Variants in MIGA2 observed in about 807,000 individuals in gnomAD.
MIGA2 encodes family with sequence similarity 73, member B.
Under a neutral mutation model 69.9 loss-of-function variants are expected in MIGA2, and 36 were observed. The ratio of observed to expected loss-of-function variants is 0.52; its 90% confidence interval spans 0.39 to 0.68. MIGA2 has a LOEUF of 0.68. Among genes scored for constraint, MIGA2 ranks in the 30% least tolerant of loss-of-function variants. The pLI is 0.00. For missense variants in MIGA2, 660 were observed against 787.7 expected (o/e 0.84, Z 1.94); for synonymous variants, 333 against 349.2 (o/e 0.95, Z 0.52).
chr9:129,060,632 C>T lies in MIGA2; in HGVS notation c.876C>T (p.Ser292=), dbSNP rs1275080379. 3.8e-6 allele frequency: 6 copies of T among 1,599,358 alleles called. No homozygotes were observed. In the East Asian group the frequency reaches 1.4e-4, roughly 36 times the overall value. Residue 292 remains serine, a synonymous_variant, in exon 8 of 16, where the codon TCC becomes TCT. Coordinates refer to ENST00000684074, the MANE Select transcript of MIGA2 (RefSeq NM_001329990.2). The surrounding 1 kb of genome is among the most constrained non-coding windows in gnomAD (Gnocchi z 4.8). ...DDEDSLTSED[S]FFSATELFES... The stretch of plus-strand genomic sequence containing the variant: ...AGGACAGCCTGACTTCAGAGGATTC[C>T]TTCTTCTCCGCCACCGAGGTGACTC...
chr9:129,037,443 T>C (rs1038386105), intron 1 of MIGA2, among the ~76,000 whole-genome samples: 1 of 152,156 alleles, frequency 6.6e-6, no homozygotes, highest in Non-Finnish European at 1.5e-5. Flanking sequence ...GCAGTAGAAG[T>C]GTCCATTTGG....
chr9:129,041,331 CA>C (rs777281536), intron 2 of MIGA2, among the ~76,000 whole-genome samples: 7,778 of 138,802 alleles, frequency 0.056, 271 homozygotes, highest in African/African-American at 0.11. Flanking sequence ...GACTCCGCCT[CA>C]AAAAAAAAAA....
intron 11 of MIGA2, among the ~76,000 whole-genome samples, chr9:129,064,767 A>G (rs62585608): frequency 0.078 from 11,611 of 149,160 alleles, 623 homozygotes; most frequent in Non-Finnish European, 0.12. Context: ...TGCCCCAGGA[A>G]CACTGTTGCT....
Position 129,040,654 on chromosome 9 carries a change from C to T in MIGA2, c.60C>T (p.Ala20=), listed in dbSNP as rs1350061096. The change falls in exon 2 of 16, where the codon GCC becomes GCT. Residue 20 remains alanine (A), a synonymous_variant. Transcript: ENST00000684074. ...TCCAGGCCCTGGCCATGACGGTGGC[C>T]GAGATCCCCGTGTTCCTGTACACGA... ...SMIQALAMTV[A]EIPVFLYTTF... The T allele has an allele frequency of 8.1e-6, 13 of 1,613,852 alleles. No individual in the cohort carries two copies. The East Asian group carries it at 1.3e-4, about 17-fold the overall frequency.
rs117743703 is a variant in MIGA2 at position 129,062,000 on chromosome 9, G to A, written c.1010+654G>A. ...TTTTTGTATTATTTTTATGTATTAT[G>A]TATTATTATCTTATTATGATAAGAG... On this transcript the variant is annotated intron_variant, in intron 9 of 15. Transcript: ENST00000684074. This position sits in a 1 kb window ranked among gnomAD's most constrained non-coding sequence, Gnocchi z 5.0. Among the ~76,000 whole-genome samples the A allele has an allele frequency of 1.7e-4, 24 of 143,508 alleles. No homozygotes were observed. Among genetic ancestry groups the A allele is most frequent in the Non-Finnish European group, 2.1e-4 (14 of 65,258 alleles). 94.1% of individuals were successfully genotyped at this position (143,508 alleles called of 152,430 possible). A position where few individuals can be genotyped will look rare whatever the true frequency, so the allele number is the denominator to read the frequency against.
intron 1 of MIGA2, 60 bp from the exon 2 acceptor site, chr9:129,040,392 G>A (rs1588363641): frequency 8.1e-7 from 1 of 1,234,480 alleles, no homozygotes; most frequent in East Asian, 3.1e-5. Context: ...CTTCTTGAGT[G>A]CATTTCTGCA....
chr9:129,048,610 C>T, intron 4 of MIGA2, 71 bp downstream of exon 4: 1 of 1,208,214 alleles, frequency 8.3e-7, no homozygotes, highest in South Asian at 1.2e-5. Flanking sequence ...CTGCCCTCAG[C>T]AAGCTTATAG....
Position 129,059,025 on chromosome 9 carries a change from G to C in MIGA2, c.676-129G>C. The C allele has an allele frequency of 2.8e-6, 2 of 726,160 alleles. No homozygotes were observed. The highest frequency in any genetic ancestry group is 4.6e-6 in the Non-Finnish European group (2 of 431,488). 45.0% of individuals were successfully genotyped at this position (726,160 alleles called of 1,614,324 possible). ...TCCTCTATCGAGCAGTGAAGTTTTG[G>C]AGTTTATGTGCTTAGCTGCTGGGTC... On this transcript the variant is annotated intron_variant, in intron 6 of 15. Transcript: ENST00000684074. The surrounding 1 kb of genome is among the most constrained non-coding windows in gnomAD (Gnocchi z 5.6).
intron 3 of MIGA2, among the ~76,000 whole-genome samples, chr9:129,045,322 A>G (rs1845157800): frequency 6.6e-6 from 1 of 151,182 alleles, no homozygotes; most frequent in Non-Finnish European, 1.5e-5. Flanking sequence ...CATGCCTGTA[A>G]TCCCAGCTAT....
rs564303130 is a variant in MIGA2 at position 129,064,308 on chromosome 9, A to G, written c.1170+677A>G. Among the ~76,000 whole-genome samples the G allele has an allele frequency of 1.7e-4, 25 of 150,242 alleles. 1 individual carries two copies. The East Asian group carries it at 3.2e-3, about 19-fold the overall frequency. ...TGCAAGCTCCGCCTCCCGGGTTCAC[A>G]CCATTCTCCTGCCTCAGCCTCCCGA... On this transcript the variant is annotated intron_variant, in intron 11 of 15. Transcript: ENST00000684074.
intron 11 of MIGA2, among the ~76,000 whole-genome samples, chr9:129,064,962 T>C (rs1419799225): frequency 6.6e-6 from 1 of 152,016 alleles, no homozygotes; most frequent in Non-Finnish European, 1.5e-5. Flanking sequence ...TTTATATTTT[T>C]CATAGAGACA....
chr9:129,057,469 A>G (rs887747419), intron 6 of MIGA2, among the ~76,000 whole-genome samples: 3 of 147,154 alleles, frequency 2.0e-5, no homozygotes, highest in South Asian at 2.2e-4. Flanking sequence ...GATTTTTTGT[A>G]TTTTTAGTAG....
chr9:129,041,789 G>C (rs1212417437), intron 2 of MIGA2, among the ~76,000 whole-genome samples: 1 of 152,196 alleles, frequency 6.6e-6, no homozygotes, highest in African/African-American at 2.4e-5. Flanking sequence ...GGGGGGCAGA[G>C]GGTGAGGTGC....
At chr9:129,064,110 A>C (rs1846209882) in intron 11 of MIGA2, among the ~76,000 whole-genome samples, 1 of 152,226 alleles carries the variant, frequency 6.6e-6, no homozygotes, top group Non-Finnish European at 1.5e-5. Context: ...TTTGCCCTCC[A>C]AAAGGCCTTC....
intron 3 of MIGA2, 29 bp from the exon 4 acceptor site, chr9:129,048,398 T>C: frequency 6.3e-7 from 1 of 1,584,190 alleles, no homozygotes; most frequent in Admixed American, 1.7e-5. Context: ...GGGATGCCTG[T>C]GTGACGCCTG....
chr9:129,068,435 C>T lies in MIGA2; in HGVS notation c.1404+103C>T. ...CCTAGCACTGGCACCAGGGCTGGGC[C>T]CCCACCCCCTAGATCCGCGGCTGCC... is the stretch of plus-strand genomic sequence containing the variant. On this transcript the variant is annotated intron_variant, in intron 13 of 15. Transcript: ENST00000684074. This position sits in a 1 kb window ranked among gnomAD's most constrained non-coding sequence, Gnocchi z 4.1. 6.7e-7 allele frequency: 1 copy of T among 1,498,564 alleles called. No homozygotes were observed. Among genetic ancestry groups the T allele is most frequent in the East Asian group, 2.4e-5 (1 of 41,778 alleles). The allele number at this position is 1,498,564 out of a possible 1,614,324, so 92.8% of individuals were successfully genotyped here.
chr9:129,048,680 G>A (rs768952807), intron 4 of MIGA2, 141 bp downstream of exon 4: 25 of 669,876 alleles, frequency 3.7e-5, no homozygotes, highest in Non-Finnish European at 6.2e-5. Flanking sequence ...GGGCTTTCAG[G>A]GATTGTCCCT....
At chr9:129,037,976 T>A (rs2131332688) in intron 1 of MIGA2, among the ~76,000 whole-genome samples, 1 of 152,274 alleles carries the variant, frequency 6.6e-6, no homozygotes, top group African/African-American at 2.4e-5. Flanking sequence ...ACCCAAAGCC[T>A]GTCGTGGAGA....
chr9:129,042,575 G>C, intron 3 of MIGA2, 61 bp downstream of exon 3: 1 of 1,496,952 alleles, frequency 6.7e-7, no homozygotes, highest in Non-Finnish European at 9.0e-7. Flanking sequence ...TCATATCCCA[G>C]CTGGGTCACT....
Sources: gnomAD v4.1 joint callset for allele counts (sites outside exome capture counted in the v4.1 genomes callset) on GRCh38, gnomAD v4.1.1 for gene constraint, Gnocchi (gnomAD v3.1) non-coding constraint, MANE v1.5 for transcripts, NCBI Gene and HGNC (gene_info 2026-07-23, HGNC 2026-07-21) for gene names.